The following IMPDH1 variants were observed in gnomAD, a reference collection of about 807,000 sequenced individuals.
The protein encoded by IMPDH1 is inosine-5'-monophosphate dehydrogenase 1.
In IMPDH1, 41 loss-of-function variants were observed where a neutral mutation model predicts 73.5. That is an observed-to-expected ratio of 0.56 (90% CI 0.43 to 0.72). The LOEUF is 0.72. Ranked by LOEUF, IMPDH1 falls within the 30% of genes least tolerant of loss-of-function variation. The pLI is 0.00. For synonymous variants in IMPDH1, 318 were observed against 334.3 expected, an observed-to-expected ratio of 0.95 and a Z score of 0.53; for missense variants, 645 against 824.8, an observed-to-expected ratio of 0.78 and a Z score of 2.67.
Position 128,409,950 on chromosome 7 carries a change from C to T in IMPDH1, c.-49G>A. On this transcript the variant is annotated 5_prime_UTR_variant, in exon 1 of 17. Transcript: ENST00000338791. ...GCGGGAGCCTGGAGGCTCCCGGGGC[C>T]CCGGCTGGGCAGTGAGCGCAGCCCG... 7.6e-7 allele frequency: 1 copy of T among 1,318,848 alleles called. No individual in the cohort carries two copies. The highest frequency in any genetic ancestry group is 9.6e-7 in the Non-Finnish European group (1 of 1,039,196). 81.7% of individuals were successfully genotyped at this position (1,318,848 alleles called of 1,614,324 possible). A position where few individuals can be genotyped will look rare whatever the true frequency, so the allele number is the denominator to read the frequency against.
intron 9 of IMPDH1, among the ~76,000 whole-genome samples, chr7:128,399,096 G>A (rs1798131792): frequency 6.6e-6 from 1 of 152,200 alleles, no homozygotes; most frequent in Admixed American, 6.5e-5. Flanking sequence ...TTGGCCGGGT[G>A]TGGTGGCTCA....
intron 5 of IMPDH1, 48 bp from the exon 6 acceptor site, chr7:128,401,164 C>A (rs375342003): frequency 8.9e-5 from 124 of 1,390,134 alleles, no homozygotes; most frequent in Middle Eastern, 7.1e-4. Flanking sequence ...ACCCACTGGA[C>A]ACTCACTCAC....
At chr7:128,393,688 C>T (rs999155824) in intron 16 of IMPDH1, 2 of 183,326 alleles carry the variant, frequency 1.1e-5, no homozygotes, top group African/African-American at 4.9e-5. Flanking sequence ...CCCTGCTCTA[C>T]TCTACGCTTG....
Position 128,392,857 on chromosome 7 carries a change from C to G in IMPDH1, c.*150G>C. 1 of 736,034 alleles carries G rather than the reference C, an allele frequency of 1.4e-6. No individual in the cohort carries two copies. The highest frequency in any genetic ancestry group is 1.6e-5 in the South Asian group (1 of 61,078). 45.6% of individuals were successfully genotyped at this position (736,034 alleles called of 1,614,324 possible). ...GGGATGCCGAGTGAGGGGCAGCAGT[C>G]CCCTCAGGACCTCCCCTCCTCTCTG... On this transcript the variant is annotated 3_prime_UTR_variant, in exon 17 of 17. Coordinates refer to ENST00000338791, the MANE Select transcript of IMPDH1 (RefSeq NM_000883.4).
intron 5 of IMPDH1, among the ~76,000 whole-genome samples, chr7:128,402,835 T>C (rs76951139): frequency 7.9e-5 from 12 of 152,210 alleles, no homozygotes; most frequent in African/African-American, 2.7e-4. Context: ...TGTTCATTGA[T>C]TCGGCTCACT....
Position 128,396,786 on chromosome 7 carries a change from C to T in IMPDH1, c.1166-91G>A. The T allele has an allele frequency of 7.9e-7, 1 of 1,260,532 alleles. No individual in the cohort carries two copies. Among genetic ancestry groups the T allele is most frequent in the African/African-American group, 1.5e-5 (1 of 67,590 alleles). The allele number at this position is 1,260,532 out of a possible 1,614,324, so 78.1% of individuals were successfully genotyped here. On this transcript the variant is annotated intron_variant, in intron 11 of 16. Transcript: ENST00000338791. This position sits in a 1 kb window ranked among gnomAD's most constrained non-coding sequence, Gnocchi z 4.0. ...CTTGGGACCCCAGTCTAGCACCCCC[C>T]AACCCCCCTACAGTGACCAAAGCCC...
At position 128,392,941 on chromosome 7, in the gene IMPDH1, GA is replaced by G. The variant is rs1797630628; in HGVS notation, c.*65del. ...TCTGTGGACCACTCAGTTATGGAGGGAGGCTGTGCCCAAAAGTGGACACTGG... is the reference window on the plus strand; with the variant it reads ...TCTGTGGACCACTCAGTTATGGAGGGGGCTGTGCCCAAAAGTGGACACTGG... On this transcript the variant is annotated 3_prime_UTR_variant, in exon 17 of 17. Coordinates refer to ENST00000338791, the MANE Select transcript of IMPDH1 (RefSeq NM_000883.4). The G allele has an allele frequency of 6.6e-7, 1 of 1,520,988 alleles. No individual in the cohort carries two copies. The highest frequency in any genetic ancestry group is 1.4e-5 in the African/African-American group (1 of 73,172). The allele number at this position is 1,520,988 out of a possible 1,614,324, so 94.2% of individuals were successfully genotyped here.
At position 128,397,029 on chromosome 7, in the gene IMPDH1, G is replaced by C. The variant is rs1164774622; in HGVS notation, c.1075-7C>G. The C allele has an allele frequency of 1.2e-6, 2 of 1,607,116 alleles. No homozygotes were observed. The highest frequency in any genetic ancestry group is 4.5e-5 in the East Asian group (2 of 44,852). On this transcript the variant is annotated splice_region_variant and splice_polypyrimidine_tract_variant and intron_variant, in intron 10 of 16. Coordinates refer to ENST00000338791, the MANE Select transcript of IMPDH1 (RefSeq NM_000883.4). Reference sequence around the variant, plus strand: ...AATTCCCTTGGGACGAGTCCTGTGAGAAAGGACGGAAGAGCTTGGGCTTAG... The same window carrying C: ...AATTCCCTTGGGACGAGTCCTGTGACAAAGGACGGAAGAGCTTGGGCTTAG...
chr7:128,398,690 G>T lies in IMPDH1; in HGVS notation c.875-77C>A, dbSNP rs1239773524. ...GGGAGATGTTTAGGAGGGTGAAGATGAAAGTGGACCACTCCAGAGATTCCA... is the reference window on the plus strand; with the variant it reads ...GGGAGATGTTTAGGAGGGTGAAGATTAAAGTGGACCACTCCAGAGATTCCA... On this transcript the variant is annotated intron_variant, in intron 9 of 16. Coordinates refer to ENST00000338791, the MANE Select transcript of IMPDH1 (RefSeq NM_000883.4). This position sits in a 1 kb window ranked among gnomAD's most constrained non-coding sequence, Gnocchi z 4.3. 1 of 1,192,384 alleles carries T rather than the reference G, an allele frequency of 8.4e-7. No homozygotes were observed. Among genetic ancestry groups the T allele is most frequent in the Non-Finnish European group, 1.2e-6 (1 of 806,236 alleles). The allele number at this position is 1,192,384 out of a possible 1,614,324, so 73.9% of individuals were successfully genotyped here.
At chr7:128,393,336 C>A (rs1314201402) in intron 16 of IMPDH1, among the ~76,000 whole-genome samples, 1 of 152,224 alleles carries the variant, frequency 6.6e-6, no homozygotes, top group Non-Finnish European at 1.5e-5. Flanking sequence ...ATGGCCCATC[C>A]TCATGGAGCA....
rs1042660653 is a variant in IMPDH1, at chr7:128,398,989, G to T, written c.875-376C>A. Among the ~76,000 whole-genome samples the T allele has an allele frequency of 6.6e-6, 1 of 152,200 alleles. No homozygotes were observed. Among genetic ancestry groups the T allele is most frequent in the African/African-American group, 2.4e-5 (1 of 41,448 alleles). On this transcript the variant is annotated intron_variant, in intron 9 of 16. Transcript: ENST00000338791. This position sits in a 1 kb window ranked among gnomAD's most constrained non-coding sequence, Gnocchi z 4.3. ...TGCCCTGTCCAATACAGACACCAAA[G>T]AACCCTCCAGTATGGACCAGGGAAG...
chr7:128,396,637 C>T lies in IMPDH1; in HGVS notation c.1224G>A (p.Val408=), dbSNP rs1797934734. ...TGCAGATGGAGCCGCAGCCCATGCC[C>T]ACGCGCAGCCCGTCCACACCAGCAT... The part of the protein sequence containing the change: ...LIDAGVDGLR[V]GMGCGSICIT... The change falls in exon 12 of 17, where the codon GTG becomes GTA. Residue 408 remains valine, a synonymous_variant. Transcript: ENST00000338791. The surrounding 1 kb of genome is among the most constrained non-coding windows in gnomAD (Gnocchi z 4.0). 1.3e-6 allele frequency: 2 copies of T among 1,555,648 alleles called. No individual in the cohort carries two copies. Among genetic ancestry groups the T allele is most frequent in the Middle Eastern group, 1.7e-4 (1 of 5,966 alleles).
chr7:128,405,717 G>T, intron 4 of IMPDH1, 50 bp downstream of exon 4: 1 of 1,513,408 alleles, frequency 6.6e-7, no homozygotes, highest in Non-Finnish European at 8.8e-7. Context: ...CGGCCCGGGG[G>T]TCGCGGCGCG....
intron 9 of IMPDH1, among the ~76,000 whole-genome samples, chr7:128,399,764 A>C (rs10954184): frequency 0.35 from 52,669 of 151,890 alleles, 9,128 homozygotes; most frequent in East Asian, 0.36. Context: ...ATTTAACTGC[A>C]GGACTTCTGA....
chr7:128,393,733 G>A, intron 16 of IMPDH1: 1 of 218,850 alleles, frequency 4.6e-6, no homozygotes, highest in Non-Finnish European at 9.3e-6. Context: ...CGGCAGAAAG[G>A]TATAGCTACG....
intron 5 of IMPDH1, 117 bp downstream of exon 5, chr7:128,403,589 T>C (rs1470395732): frequency 5.3e-6 from 4 of 748,780 alleles, no homozygotes; most frequent in Admixed American, 1.9e-5. Context: ...CTATATCCTA[T>C]CCACCCATTC....
In IMPDH1 at chr7:128,400,544, G is replaced by A. The variant is rs369196946; in HGVS notation, c.580-5C>T. On this transcript the variant is annotated splice_polypyrimidine_tract_variant and splice_region_variant and intron_variant, in intron 7 of 16. Transcript: ENST00000338791. ...GATGAAGCCCTGTTCAAACTTCTGC[G>A]GGCAGAGATGGGGGAGGAAAAGGCT... The A allele has an allele frequency of 1.7e-5, 27 of 1,610,558 alleles. No individual in the cohort carries two copies. Among genetic ancestry groups the A allele is most frequent in the African/African-American group, 1.1e-4 (8 of 74,888 alleles).
rs889355687 is a variant in IMPDH1 at position 128,409,753 on chromosome 7, C to T, written c.146+3G>A. The T allele has an allele frequency of 4.6e-6, 7 of 1,524,838 alleles. No individual in the cohort carries two copies. 94.5% of individuals were successfully genotyped at this position (1,524,838 alleles called of 1,614,324 possible). A position where few individuals can be genotyped will look rare whatever the true frequency, so the allele number is the denominator to read the frequency against. ...GCCCCGCGCGCTCTGCCCTGGGCGTCACCTCTCGGGCTCGTAGCCGGCCTG... is the reference window on the plus strand; with the variant it reads ...GCCCCGCGCGCTCTGCCCTGGGCGTTACCTCTCGGGCTCGTAGCCGGCCTG... On this transcript the variant is annotated splice_donor_region_variant and intron_variant, in intron 1 of 16. Coordinates refer to ENST00000338791, the MANE Select transcript of IMPDH1 (RefSeq NM_000883.4).
intron 3 of IMPDH1, among the ~76,000 whole-genome samples, chr7:128,408,331 C>T (rs1429562605): frequency 6.6e-6 from 1 of 152,124 alleles, no homozygotes; most frequent in Non-Finnish European, 1.5e-5. Flanking sequence ...GGGGGAAGGG[C>T]AGAAAAGGTA....
Sources: allele counts gnomAD v4.1 joint callset (sites outside exome capture counted in the v4.1 genomes callset), GRCh38; gene constraint gnomAD v4.1.1; non-coding constraint Gnocchi (gnomAD v3.1); transcripts MANE v1.5; gene names NCBI Gene and HGNC (gene_info 2026-07-23, HGNC 2026-07-21).